GRAMD4: variants seen among roughly 807,000 people sequenced by gnomAD.
The protein encoded by GRAMD4 is GRAM domain containing 4.
GRAMD4 carries 25 observed loss-of-function variants against 83.9 expected under a neutral mutation model. The observed-to-expected ratio is 0.30, with a 90% CI of 0.22 to 0.42. GRAMD4 has a LOEUF of 0.42. Ranked by LOEUF, GRAMD4 falls within the 10% of genes least tolerant of loss-of-function variation. The pLI is 1.00. For synonymous variants in GRAMD4, 336 were observed against 320.9 expected (o/e 1.05, Z -0.50); for missense variants, 593 against 788.7 (o/e 0.75, Z 2.97).
intron 1 of GRAMD4, chr22:46,587,994 G>A: frequency 2.1e-6 from 2 of 969,882 alleles, no homozygotes; most frequent in African/African-American, 3.5e-5. Flanking sequence ...GTCAGGAGGG[G>A]CACAGGCGGG....
Position 46,628,336 on chromosome 22 carries a change from G to A in GRAMD4, c.162+1375G>A, listed in dbSNP as rs113556082. Reference sequence around the variant, plus strand: ...GTCCCCTGGTGTGGGCTGGGGTTTCGTCCCTGTCCTCTGTGGCCGGGCCAA... The same window carrying A: ...GTCCCCTGGTGTGGGCTGGGGTTTCATCCCTGTCCTCTGTGGCCGGGCCAA... On this transcript the variant is annotated intron_variant, in intron 2 of 18. Coordinates refer to ENST00000406902, the MANE Select transcript of GRAMD4 (RefSeq NM_015124.5). Among the ~76,000 whole-genome samples the A allele has an allele frequency of 2.7e-3, 414 of 152,296 alleles. 2 individuals carry two copies. Among genetic ancestry groups the A allele is most frequent in the African/African-American group, 9.3e-3 (386 of 41,542 alleles).
At chr22:46,593,790 C>A (rs2081233706) in intron 1 of GRAMD4, among the ~76,000 whole-genome samples, 1 of 152,012 alleles carries the variant, frequency 6.6e-6, no homozygotes. Context: ...GTGGCGCGAT[C>A]TCAGCTCACT....
At chr22:46,596,493 G>A (rs967480829) in intron 1 of GRAMD4, among the ~76,000 whole-genome samples, 1 of 152,190 alleles carries the variant, frequency 6.6e-6, no homozygotes, top group Admixed American at 6.5e-5. Flanking sequence ...CTTCTCAGTT[G>A]AACCAGTTGA....
In GRAMD4 at chr22:46,671,656, AAAAAT is replaced by A. The variant is rs149423289; in HGVS notation, c.1085-1152_1085-1148del. Among the ~76,000 whole-genome samples, 55 of 143,048 alleles carry A rather than the reference AAAAAT, an allele frequency of 3.8e-4. 1 individual carries two copies. The highest frequency in any genetic ancestry group is 7.0e-4 in the Admixed American group (10 of 14,370). The allele number at this position is 143,048 out of a possible 152,430, so 93.8% of individuals were successfully genotyped here. ...GGGCGACAGAGCAAGACTCCGTCTC[AAAAAT>A]AAAATAAAATAAAATAAAATAAAAT... On this transcript the variant is annotated intron_variant, in intron 13 of 18. Transcript: ENST00000406902.
chr22:46,589,669 C>A (rs1358269197), intron 1 of GRAMD4, among the ~76,000 whole-genome samples: 1 of 152,126 alleles, frequency 6.6e-6, no homozygotes, highest in Non-Finnish European at 1.5e-5. Context: ...TGGCTACCCC[C>A]CAGTCCCGCT....
chr22:46,663,699 C>T (rs931461865), intron 6 of GRAMD4, 139 bp from the exon 7 acceptor site: 13 of 802,672 alleles, frequency 1.6e-5, no homozygotes, highest in African/African-American at 5.1e-5. Context: ...CGTGCATGGC[C>T]ATTCTGTGCA....
chr22:46,599,834 G>T (rs141856838), intron 1 of GRAMD4, among the ~76,000 whole-genome samples: 1 of 152,156 alleles, frequency 6.6e-6, no homozygotes, highest in East Asian at 1.9e-4. Context: ...GAGCAAAGGC[G>T]TGTTGTGAGG....
rs1305046603 is a variant in GRAMD4, at chr22:46,622,139, C to CAGG, written c.-50+1575_-50+1576insGGA. On this transcript the variant is annotated intron_variant, in intron 1 of 18. Coordinates refer to ENST00000406902, the MANE Select transcript of GRAMD4 (RefSeq NM_015124.5). The surrounding 1 kb of genome is among the most constrained non-coding windows in gnomAD (Gnocchi z 4.0). ...CACTCAGGGCCTTTGTCCCCTCTCT[C>CAGG]ATTGCCTCATTTGCTTGCCTGAGGT... Among the ~76,000 whole-genome samples, 2 of 152,146 alleles carry CAGG rather than the reference C, an allele frequency of 1.3e-5. No individual in the cohort carries two copies. The highest frequency in any genetic ancestry group is 4.8e-5 in the African/African-American group (2 of 41,424).
intron 3 of GRAMD4, among the ~76,000 whole-genome samples, chr22:46,656,462 G>T (rs1160236075): frequency 6.6e-6 from 1 of 152,218 alleles, no homozygotes; most frequent in Admixed American, 6.5e-5. Flanking sequence ...GTTTCTGTAC[G>T]GCTACTCCTG....
At chr22:46,581,043 C>T (rs906059618) in intron 1 of GRAMD4, among the ~76,000 whole-genome samples, 1 of 151,814 alleles carries the variant, frequency 6.6e-6, no homozygotes, top group African/African-American at 2.4e-5. Flanking sequence ...TGTTGTTTTG[C>T]CTTTGGTATC....
intron 1 of GRAMD4, among the ~76,000 whole-genome samples, chr22:46,577,487 C>T (rs2081054724): frequency 6.6e-6 from 1 of 150,518 alleles, no homozygotes; most frequent in Admixed American, 6.6e-5. Flanking sequence ...CCGGGTCCCG[C>T]GCGTCACGGC....
chr22:46,589,658 G>C (rs923554295), intron 1 of GRAMD4, among the ~76,000 whole-genome samples: 5 of 152,166 alleles, frequency 3.3e-5, no homozygotes, highest in African/African-American at 1.2e-4. Flanking sequence ...CCCATGCCCT[G>C]TGGCTACCCC....
chr22:46,578,827 C>T (rs1210977376), intron 1 of GRAMD4, among the ~76,000 whole-genome samples: 1 of 152,198 alleles, frequency 6.6e-6, no homozygotes, highest in Non-Finnish European at 1.5e-5. Context: ...CTTGCTCCTG[C>T]CTTGGCAGCC....
chr22:46,615,950 A>G (rs1242317479), upstream of GRAMD4, among the ~76,000 whole-genome samples: 13 of 46,738 alleles, frequency 2.8e-4, no homozygotes, highest in Admixed American at 6.2e-4. Context: ...GGGTTCCCCC[A>G]TGTGTAAGTT....
At chr22:46,596,431 T>C (rs2081262643) in intron 1 of GRAMD4, among the ~76,000 whole-genome samples, 1 of 152,252 alleles carries the variant, frequency 6.6e-6, no homozygotes, top group Non-Finnish European at 1.5e-5. Flanking sequence ...GGGTGGGTGC[T>C]GGTGCCTCCT....
Position 46,679,598 on chromosome 22 carries a change from T to C in GRAMD4, c.*2347T>C. On this transcript the variant is annotated 3_prime_UTR_variant, in exon 19 of 19. Transcript: ENST00000406902. ...AAATTTTTTATGTCTGAAGCCTGAG[T>C]CTATTTTGGATCTGTAAATAATCAT... The C allele has an allele frequency of 1.0e-6, 1 of 983,606 alleles. No homozygotes were observed. Among genetic ancestry groups the C allele is most frequent in the Non-Finnish European group, 1.2e-6 (1 of 828,086 alleles). The allele number at this position is 983,606 out of a possible 1,614,324, so 60.9% of individuals were successfully genotyped here.
upstream of GRAMD4, among the ~76,000 whole-genome samples, chr22:46,616,032 CCA>C (rs1404443428): frequency 3.2e-5 from 1 of 31,234 alleles, no homozygotes; most frequent in Non-Finnish European, 7.0e-5. Flanking sequence ...GTTGGTTCCC[CCA>C]TGTGTAGGTT....
At chr22:46,595,227 G>T (rs1188924894) in intron 1 of GRAMD4, among the ~76,000 whole-genome samples, 2 of 152,186 alleles carry the variant, frequency 1.3e-5, no homozygotes, top group Non-Finnish European at 2.9e-5. Context: ...CTAACTACAG[G>T]TAGAGACCAT....
chr22:46,675,822 G>A (rs1475731195), intron 17 of GRAMD4, among the ~76,000 whole-genome samples: 6 of 152,182 alleles, frequency 3.9e-5, no homozygotes, highest in Non-Finnish European at 8.8e-5. Flanking sequence ...CCCCACTCTG[G>A]CTGCTGTGTT....
Sources: allele counts gnomAD v4.1 joint callset (sites outside exome capture counted in the v4.1 genomes callset), GRCh38; gene constraint gnomAD v4.1.1; non-coding constraint Gnocchi (gnomAD v3.1); transcripts MANE v1.5; gene names NCBI Gene and HGNC (gene_info 2026-07-23, HGNC 2026-07-21).